The following ZNF239 variants were observed in gnomAD, a reference collection of about 807,000 sequenced individuals.
ZNF239 encodes the protein zinc finger protein 239, also known as zinc finger protein (C2H2) homologous to mouse MOK-2.
Under a neutral mutation model 27.5 loss-of-function variants are expected in ZNF239, and 16 were observed. That is an observed-to-expected ratio of 0.58 (90% CI 0.39 to 0.88). The LOEUF is 0.88. ZNF239 is among the 40% of genes least tolerant of loss of function. The pLI is 0.00. For missense variants in ZNF239, 527 were observed against 551.9 expected, an observed-to-expected ratio of 0.95 and a Z score of 0.45; for synonymous variants, 199 against 192.6, an observed-to-expected ratio of 1.03 and a Z score of -0.27.
chr10:43,562,728 T>A (rs564924216), intron 3 of ZNF239, among the ~76,000 whole-genome samples: 1 of 152,360 alleles, frequency 6.6e-6, no homozygotes, highest in Non-Finnish European at 1.5e-5. Flanking sequence ...CAACTTGTTT[T>A]ACCCAGGTGA....
Position 43,556,809 on chromosome 10 carries a change from ACT to A in ZNF239, c.1269_1270del (p.Arg423SerfsTer9). The A allele has an allele frequency of 3.1e-6, 5 of 1,613,582 alleles. No homozygotes were observed. Among genetic ancestry groups the A allele is most frequent in the Non-Finnish European group, 4.2e-6 (5 of 1,179,914 alleles). On this transcript the variant is annotated frameshift_variant, in exon 4 of 4. Transcript: ENST00000374446. LOFTEE classifies it high-confidence loss of function. ...CTCATAGGGCTTCTCTCCAGTATGT[ACT>A]CTCTGGTGGATGAGGAGTTTGGAAC...
chr10:43,568,566 T>TTCAATTACTTAG, intron 2 of ZNF239: 1 of 570,214 alleles, frequency 1.8e-6, no homozygotes, highest in Non-Finnish European at 2.2e-6. Flanking sequence ...AACTAAGTAG[T>TTCAATTACTTAG]TGAACATTAC....
chr10:43,572,115 T>C (rs754303606), intron 2 of ZNF239, among the ~76,000 whole-genome samples: 29 of 152,110 alleles, frequency 1.9e-4, no homozygotes, highest in Non-Finnish European at 3.4e-4. Flanking sequence ...GTGTGGTACA[T>C]AGAAAACACA....
intron 3 of ZNF239, among the ~76,000 whole-genome samples, chr10:43,567,475 A>G (rs1253146819): frequency 1.3e-5 from 2 of 152,116 alleles, no homozygotes; most frequent in Non-Finnish European, 2.9e-5. Flanking sequence ...GCACATAGGA[A>G]ACATCCTGGA....
chr10:43,567,250 T>C (rs753979137), intron 3 of ZNF239, among the ~76,000 whole-genome samples: 1 of 152,042 alleles, frequency 6.6e-6, no homozygotes, highest in Admixed American at 6.6e-5. Context: ...AATTCCTGAA[T>C]GTGTAAGAAA....
intron 3 of ZNF239, among the ~76,000 whole-genome samples, chr10:43,565,810 A>G (rs1837596443): frequency 1.1e-5 from 1 of 92,030 alleles, no homozygotes; most frequent in Admixed American, 1.6e-4. Context: ...ACAAGACTCC[A>G]TCTCAAGAAA....
At chr10:43,572,409 G>C (rs1404086141) in intron 2 of ZNF239, among the ~76,000 whole-genome samples, 1 of 152,160 alleles carries the variant, frequency 6.6e-6, no homozygotes, top group African/African-American at 2.4e-5. Context: ...GCTCATGTGT[G>C]TGAGGGCTGT....
chr10:43,557,944 T>C lies in ZNF239; in HGVS notation c.136A>G (p.Ser46Gly). 1.2e-6 allele frequency: 2 copies of C among 1,614,216 alleles called. No homozygotes were observed. Among genetic ancestry groups the C allele is most frequent in the Admixed American group, 1.7e-5 (1 of 60,020 alleles). Reference sequence around the variant, plus strand: ...CAACCACTTTGAAGAGTCATCACACTGTCCCTGTTTCTGGAAATAGGAGAA... The same window carrying C: ...CAACCACTTTGAAGAGTCATCACACCGTCCCTGTTTCTGGAAATAGGAGAA... ...ASSPISRNRDSVMTLQSGCFE... is the reference protein window; with the variant it reads ...ASSPISRNRDGVMTLQSGCFE... The change falls in exon 4 of 4, where the codon AGT (serine) becomes GGT (glycine). Residue 46 changes from serine to glycine, a missense_variant. Physicochemically the swap from Ser to Gly is moderately conservative, Grantham distance 56. Coordinates refer to ENST00000374446, the MANE Select transcript of ZNF239 (RefSeq NM_001099282.2).
At chr10:43,568,054 C>T in intron 2 of ZNF239, 33 bp from the exon 3 acceptor site, 1 of 985,868 alleles carries the variant, frequency 1.0e-6, no homozygotes, top group African/African-American at 1.7e-5. Flanking sequence ...CCTCAACAAA[C>T]AACCATCTGC....
At chr10:43,568,856 C>G (rs930571392) in intron 2 of ZNF239, among the ~76,000 whole-genome samples, 1 of 152,152 alleles carries the variant, frequency 6.6e-6, no homozygotes, top group African/African-American at 2.4e-5. Flanking sequence ...TCGAGACCAG[C>G]CTGGCCAACA....
intron 2 of ZNF239, among the ~76,000 whole-genome samples, chr10:43,569,416 A>C (rs376162854): frequency 1.3e-5 from 2 of 152,024 alleles, no homozygotes; most frequent in East Asian, 3.9e-4. Context: ...TTCAGTGGCC[A>C]TCCAGTAAAA....
chr10:43,567,308 T>C (rs1837732886), intron 3 of ZNF239, among the ~76,000 whole-genome samples: 1 of 151,588 alleles, frequency 6.6e-6, no homozygotes, highest in South Asian at 2.1e-4. Flanking sequence ...GGACATTCAA[T>C]GAAAAATAAA....
At chr10:43,561,511 A>G (rs773967738) in intron 3 of ZNF239, among the ~76,000 whole-genome samples, 11 of 152,252 alleles carry the variant, frequency 7.2e-5, no homozygotes, top group Non-Finnish European at 1.3e-4. Context: ...TTGTGAAATT[A>G]TAATTTTTAC....
At chr10:43,565,011 ACCATGCATTCTCAGGGGCAATAATGT>A (rs1298432021) in intron 3 of ZNF239, among the ~76,000 whole-genome samples, 21 of 152,260 alleles carry the variant, frequency 1.4e-4, no homozygotes, top group Admixed American at 3.9e-4. Flanking sequence ...AAGTGGACAT[ACCATGCATTCTCAGGGGCAATAATGT>A]CCCCAAGGGG....
chr10:43,573,543 A>C, intron 2 of ZNF239, 94 bp downstream of exon 2: 5 of 805,132 alleles, frequency 6.2e-6, no homozygotes, highest in Non-Finnish European at 7.5e-6. Flanking sequence ...GCTATAAAAT[A>C]CCGTACTGGG....
In ZNF239 at chr10:43,556,884, CCA is replaced by C; in HGVS notation, c.1194_1195del (p.Gly399ArgfsTer14). ...CTTGCCACAGTGATAGGGCTTCTCT[CCA>C]GTGTGGACTCTGAGATGGATGCGAA... On this transcript the variant is annotated frameshift_variant, in exon 4 of 4. Coordinates refer to ENST00000374446, the MANE Select transcript of ZNF239 (RefSeq NM_001099282.2). LOFTEE classifies it high-confidence loss of function. The C allele has an allele frequency of 1.2e-6, 2 of 1,613,284 alleles. No homozygotes were observed. Among genetic ancestry groups the C allele is most frequent in the South Asian group, 2.2e-5 (2 of 91,044 alleles).
intron 2 of ZNF239, chr10:43,570,270 C>G: frequency 4.1e-6 from 4 of 985,294 alleles, no homozygotes; most frequent in Non-Finnish European, 4.8e-6. Flanking sequence ...GGTCTCCATT[C>G]TGAGGAAGAG....
At chr10:43,571,106 T>C in intron 2 of ZNF239, 1 of 748,150 alleles carries the variant, frequency 1.3e-6, no homozygotes, top group East Asian at 1.3e-4. Context: ...TGCTTACAGT[T>C]GGGAGAGCAG....
chr10:43,562,760 T>C (rs1219556346), intron 3 of ZNF239, among the ~76,000 whole-genome samples: 1 of 152,130 alleles, frequency 6.6e-6, no homozygotes, highest in East Asian at 1.9e-4. Context: ...TGTTTATAAA[T>C]TTCAAAAGTA....
Sources: gnomAD v4.1 joint callset for allele counts (sites outside exome capture counted in the v4.1 genomes callset) on GRCh38, gnomAD v4.1.1 for gene constraint, MANE v1.5 for transcripts, NCBI Gene and HGNC (gene_info 2026-07-23, HGNC 2026-07-21) for gene names.